Variants in GDA observed in about 807,000 individuals in gnomAD.
GDA encodes cytoplasmic PSD-95 interactor.
In GDA, 18 loss-of-function variants were observed where a neutral mutation model predicts 59.6. The ratio of observed to expected loss-of-function variants is 0.30; its 90% CI spans 0.21 to 0.45. The LOEUF is 0.45. Ranked by LOEUF, GDA falls within the 20% of genes least tolerant of loss-of-function variation. GDA has a pLI of 1.00. For synonymous variants in GDA, 201 were observed against 201.1 expected (o/e 1.00, Z 0.00); for missense variants, 427 against 552.3 (o/e 0.77, Z 2.27).
chr9:72,230,385 G>C (rs1333979554), intron 9 of GDA, among the ~76,000 whole-genome samples: 2 of 151,942 alleles, frequency 1.3e-5, no homozygotes, highest in African/African-American at 4.8e-5. Flanking sequence ...TACTCGGGAG[G>C]CTGATGTAGG....
At chr9:72,253,583 T>G (rs1275697932), downstream of GDA, 1 of 152,184 alleles carries the variant, frequency 6.6e-6, no homozygotes, top group Non-Finnish European at 1.5e-5. Flanking sequence ...TTGTTCTGTC[T>G]CACCAGACTC....
chr9:72,232,843 A>G (rs1301349953), intron 10 of GDA, among the ~76,000 whole-genome samples: 1 of 152,240 alleles, frequency 6.6e-6, no homozygotes, highest in Non-Finnish European at 1.5e-5. Context: ...AATAGTAACT[A>G]GCAATTACAA....
upstream of GDA, among the ~76,000 whole-genome samples, chr9:72,145,388 G>T: frequency 6.6e-6 from 1 of 152,182 alleles, no homozygotes; most frequent in Non-Finnish European, 1.5e-5. Context: ...TATATTAACT[G>T]CACAGGCAAG....
In GDA at chr9:72,202,717, C is replaced by A. The variant is rs1471389052; in HGVS notation, c.359C>A (p.Ala120Glu). Residue 120 changes from alanine (A) to glutamate (E), a missense_variant, in exon 3 of 14, where the codon GCA (alanine) becomes GAA (glutamate). By Grantham distance (107) the Ala-to-Glu change is moderately radical (BLOSUM62 -1). Coordinates refer to ENST00000358399, the MANE Select transcript of GDA (RefSeq NM_004293.5). ...CACAGATTCCAGAACATCGACTTTGCAGAAGAAGTATATACCAGAGTTGTC... is the reference window on the plus strand; with the variant it reads ...CACAGATTCCAGAACATCGACTTTGAAGAAGAAGTATATACCAGAGTTGTC... ...AEHRFQNIDFAEEVYTRVVRR... is the reference protein window; with the variant it reads ...AEHRFQNIDFEEEVYTRVVRR... 1 of 1,613,112 alleles carries A rather than the reference C, an allele frequency of 6.2e-7. No individual in the cohort carries two copies. The highest frequency in any genetic ancestry group is 8.5e-7 in the Non-Finnish European group (1 of 1,179,636).
At chr9:72,196,126 T>C (rs1050624985) in intron 2 of GDA, among the ~76,000 whole-genome samples, 2 of 151,898 alleles carry the variant, frequency 1.3e-5, no homozygotes, top group African/African-American at 4.8e-5. Context: ...TAGTGGTTTT[T>C]AATATTCGTT....
chr9:72,187,415 T>A (rs1362249980), intron 1 of GDA, among the ~76,000 whole-genome samples: 2 of 152,168 alleles, frequency 1.3e-5, no homozygotes, highest in Non-Finnish European at 2.9e-5. Flanking sequence ...TGCCTGCCCT[T>A]CCACCTTTCT....
At chr9:72,118,453 A>G (rs1373240766) in intron 1 of GDA, among the ~76,000 whole-genome samples, 1 of 152,140 alleles carries the variant, frequency 6.6e-6, no homozygotes, top group Non-Finnish European at 1.5e-5. Context: ...AAGGCAAGCG[A>G]ACTCTAAAGT....
At position 72,175,773 on chromosome 9, in the gene GDA, C is replaced by G. The variant is rs568834962; in HGVS notation, c.124-19727C>G. 2.0e-5 allele frequency among the ~76,000 whole-genome samples: 3 copies of G among 152,186 alleles called. No individual in the cohort carries two copies. The South Asian group carries it at 6.2e-4, about 32-fold the overall frequency. On this transcript the variant is annotated intron_variant, in intron 1 of 13. Transcript: ENST00000358399. ...CACTTTCTACTTTTACAACAGAATA[C>G]CTTTGGATAATCATTTATCCTTCAA...
Position 72,248,534 on chromosome 9 carries a change from G to C in GDA, c.*192G>C, listed in dbSNP as rs1343256636. ...CACTAATTCTCAACTCTGGTTGAGA[G>C]GGTTCATAAATTTCATGAAAATATC... On this transcript the variant is annotated 3_prime_UTR_variant, in exon 14 of 14. Coordinates refer to ENST00000358399, the MANE Select transcript of GDA (RefSeq NM_004293.5). 1.5e-6 allele frequency: 1 copy of C among 657,124 alleles called. No homozygotes were observed. Among genetic ancestry groups the C allele is most frequent in the Admixed American group, 8.3e-5 (1 of 11,980 alleles). 40.7% of individuals were successfully genotyped at this position (657,124 alleles called of 1,614,324 possible).
In GDA at chr9:72,246,383, G is replaced by A. The variant is rs139442813; in HGVS notation, c.1267-1023G>A. On this transcript the variant is annotated intron_variant, in intron 12 of 13. Transcript: ENST00000358399. ...AGCTGGTCTTGAACTCCTGACCTCA[G>A]GTAATCCACCTGCCTTGGCCTCCCA... Among the ~76,000 whole-genome samples, 924 of 152,266 alleles carry A rather than the reference G, an allele frequency of 6.1e-3. 18 individuals are homozygous for A. The highest frequency in any genetic ancestry group is 0.021 in the African/African-American group (883 of 41,556).
chr9:72,240,929 T>C (rs1296326771), intron 10 of GDA, among the ~76,000 whole-genome samples: 1 of 152,232 alleles, frequency 6.6e-6, no homozygotes, highest in Non-Finnish European at 1.5e-5. Flanking sequence ...TGATAATTAG[T>C]TGCAGCAGCT....
intron 1 of GDA, among the ~76,000 whole-genome samples, chr9:72,128,777 C>T (rs1487931134): frequency 1.3e-5 from 2 of 152,040 alleles, no homozygotes; most frequent in Non-Finnish European, 2.9e-5. Context: ...CTGACTAGCA[C>T]CTAGCTTATT....
intron 1 of GDA, among the ~76,000 whole-genome samples, chr9:72,125,480 C>T (rs1303252702): frequency 3.3e-5 from 5 of 152,010 alleles, no homozygotes; most frequent in African/African-American, 1.2e-4. Context: ...CCTCAGACTC[C>T]CAAAGTGCTG....
At chr9:72,182,012 A>C (rs1262981901) in intron 1 of GDA, among the ~76,000 whole-genome samples, 1 of 152,230 alleles carries the variant, frequency 6.6e-6, no homozygotes, top group Non-Finnish European at 1.5e-5. Flanking sequence ...ATATATAGGT[A>C]GACACACACA....
chr9:72,201,218 A>G (rs1833970600), intron 2 of GDA, among the ~76,000 whole-genome samples: 1 of 151,556 alleles, frequency 6.6e-6, no homozygotes, highest in African/African-American at 2.4e-5. Context: ...TAATATGTCA[A>G]ATATCTAACT....
intron 1 of GDA, among the ~76,000 whole-genome samples, chr9:72,167,460 G>A (rs1385853943): frequency 6.6e-6 from 1 of 152,146 alleles, no homozygotes; most frequent in African/African-American, 2.4e-5. Context: ...GCAGTTTGAT[G>A]AGCATACATT....
intron 2 of GDA, among the ~76,000 whole-genome samples, chr9:72,199,014 T>C (rs775081255): frequency 1.4e-3 from 213 of 152,178 alleles, no homozygotes; most frequent in Middle Eastern, 3.4e-3. Context: ...AGAGCTTTTT[T>C]ACCTTCTGCT....
At chr9:72,218,242 T>G (rs1394459621) in intron 5 of GDA, among the ~76,000 whole-genome samples, 1 of 152,186 alleles carries the variant, frequency 6.6e-6, no homozygotes, top group Non-Finnish European at 1.5e-5. Context: ...GTTCAACATC[T>G]AAGAGATACA....
intron 10 of GDA, among the ~76,000 whole-genome samples, chr9:72,232,909 G>A (rs1171213426): frequency 2.0e-5 from 3 of 152,182 alleles, no homozygotes; most frequent in African/African-American, 7.2e-5. Flanking sequence ...CATGCAAATT[G>A]GTTAGCACAG....
Sources: allele counts gnomAD v4.1 joint callset (sites outside exome capture counted in the v4.1 genomes callset), GRCh38; gene constraint gnomAD v4.1.1; transcripts MANE v1.5; gene names NCBI Gene and HGNC (gene_info 2026-07-23, HGNC 2026-07-21).